The following PRR16 variants were observed in gnomAD, a reference collection of about 807,000 sequenced individuals.
PRR16 encodes proline rich 16.
A neutral mutation model predicts 18.2 loss-of-function variants in PRR16; 6 were observed. That is an observed-to-expected ratio of 0.33 (90% CI 0.18 to 0.65). The LOEUF (loss-of-function observed/expected upper bound fraction) is 0.65. Ranked by LOEUF, PRR16 falls within the 30% of genes least tolerant of loss-of-function variation. The probability of loss-of-function intolerance (pLI) is 0.74; values close to 1 mark genes in which losing one functional copy is unlikely to be tolerated. For synonymous variants in PRR16, 151 were observed against 147.8 expected, an observed-to-expected ratio of 1.02 and a Z score of -0.16; for missense variants, 412 against 376.6, an observed-to-expected ratio of 1.09 and a Z score of -0.78.
At chr5:120,682,771 C>T (rs1175558820) in intron 1 of PRR16, among the ~76,000 whole-genome samples, 1 of 152,164 alleles carries the variant, frequency 6.6e-6, no homozygotes, top group African/African-American at 2.4e-5. Context: ...TTCTTTCCTT[C>T]CCATTTTCTT....
chr5:120,522,549 G>T (rs1262063412), intron 1 of PRR16, among the ~76,000 whole-genome samples: 1 of 152,148 alleles, frequency 6.6e-6, no homozygotes, highest in Non-Finnish European at 1.5e-5. Context: ...ATTTGTTAAA[G>T]TTCTTTGTAG....
intron 1 of PRR16, among the ~76,000 whole-genome samples, chr5:120,685,442 G>A (rs913578668): frequency 1.1e-4 from 16 of 152,072 alleles, no homozygotes; most frequent in Non-Finnish European, 1.9e-4. Flanking sequence ...AACAGTTGAT[G>A]TTTTCTGTAT....
rs79241974 is a variant in PRR16, at chr5:120,479,226, C to T, written c.159+14581C>T. On this transcript the variant is annotated intron_variant, in intron 1 of 1. Transcript: ENST00000407149. ...ACTTTCAGTATATTGTCTAAGAACACATGCTCTCTTTCATTGCTTGTGGGG... is the reference window on the plus strand; with the variant it reads ...ACTTTCAGTATATTGTCTAAGAACATATGCTCTCTTTCATTGCTTGTGGGG... Among the ~76,000 whole-genome samples the T allele has an allele frequency of 3.9e-3, 591 of 152,254 alleles. 5 individuals are homozygous for T. Among genetic ancestry groups the T allele is most frequent in the African/African-American group, 0.013 (559 of 41,562 alleles).
intron 1 of PRR16, among the ~76,000 whole-genome samples, chr5:120,630,885 G>A (rs955760278): frequency 2.0e-5 from 3 of 152,186 alleles, no homozygotes; most frequent in African/African-American, 7.2e-5. Context: ...ATCTAGATAC[G>A]CATTTTGAGA....
chr5:120,754,591 T>C, the PRR16 span, among the ~76,000 whole-genome samples: 1 of 107,858 alleles, frequency 9.3e-6, no homozygotes, highest in Non-Finnish European at 1.7e-5. Context: ...ATATATTATA[T>C]ATAATATATA....
intron 1 of PRR16, among the ~76,000 whole-genome samples, chr5:120,663,794 T>C (rs1580849887): frequency 6.6e-6 from 1 of 152,164 alleles, no homozygotes; most frequent in Admixed American, 6.5e-5. Flanking sequence ...TCTCAACCTC[T>C]TGGCACACTT....
At chr5:120,663,152 G>A (rs1318384930) in intron 1 of PRR16, among the ~76,000 whole-genome samples, 1 of 152,174 alleles carries the variant, frequency 6.6e-6, no homozygotes, top group African/African-American at 2.4e-5. Flanking sequence ...ACTGGTACCA[G>A]TGTGAGGCTT....
chr5:120,786,083 C>A, the PRR16 span, among the ~76,000 whole-genome samples: 2 of 130,112 alleles, frequency 1.5e-5, no homozygotes. Flanking sequence ...TGGAAGAAAG[C>A]TTTTGTTTTT....
At chr5:120,775,165 C>T in the PRR16 span, among the ~76,000 whole-genome samples, 2 of 152,094 alleles carry the variant, frequency 1.3e-5, no homozygotes, top group Admixed American at 1.3e-4. Flanking sequence ...TTAGACTTTC[C>T]ACTTTAACCA....
chr5:120,726,760 C>G, the PRR16 span, among the ~76,000 whole-genome samples: 1 of 151,962 alleles, frequency 6.6e-6, no homozygotes, highest in Non-Finnish European at 1.5e-5. Context: ...CATGTCCACT[C>G]TTGATGGTGA....
intron 1 of PRR16, among the ~76,000 whole-genome samples, chr5:120,675,343 G>T (rs980006043): frequency 6.6e-6 from 1 of 152,144 alleles, no homozygotes; most frequent in Non-Finnish European, 1.5e-5. Flanking sequence ...TTTTTTTAAG[G>T]TTATTAGCTG....
the PRR16 span, among the ~76,000 whole-genome samples, chr5:120,715,943 T>C: frequency 6.6e-6 from 1 of 152,120 alleles, no homozygotes; most frequent in Non-Finnish European, 1.5e-5. Flanking sequence ...ATCTCTCTCC[T>C]TCATGGAATT....
the PRR16 span, among the ~76,000 whole-genome samples, chr5:120,697,101 T>C: frequency 2.6e-5 from 4 of 152,230 alleles, no homozygotes; most frequent in South Asian, 2.1e-4. Context: ...TTTGAAGATA[T>C]TCTCTACTTT....
the PRR16 span, among the ~76,000 whole-genome samples, chr5:120,791,195 T>G: frequency 6.6e-6 from 1 of 152,184 alleles, no homozygotes; most frequent in Non-Finnish European, 1.5e-5. Context: ...GATTTGGTTT[T>G]CATTACCAAG....
At chr5:120,676,623 T>G (rs1454182793) in intron 1 of PRR16, among the ~76,000 whole-genome samples, 1 of 151,956 alleles carries the variant, frequency 6.6e-6, no homozygotes, top group Non-Finnish European at 1.5e-5. Context: ...TTATGGTGCT[T>G]GAGATGTTTC....
intron 1 of PRR16, among the ~76,000 whole-genome samples, chr5:120,465,175 G>T (rs911973026): frequency 2.6e-5 from 4 of 152,128 alleles, no homozygotes; most frequent in Admixed American, 6.5e-5. Flanking sequence ...CTCGAGCCTC[G>T]CTGTAGGGAA....
chr5:120,650,875 T>C (rs1755759163), intron 1 of PRR16, among the ~76,000 whole-genome samples: 1 of 152,132 alleles, frequency 6.6e-6, no homozygotes, highest in African/African-American at 2.4e-5. Flanking sequence ...ATGGTATTTC[T>C]AGTTCTAGAT....
At chr5:120,540,699 T>G (rs1445695887) in intron 1 of PRR16, among the ~76,000 whole-genome samples, 2 of 152,150 alleles carry the variant, frequency 1.3e-5, no homozygotes, top group Admixed American at 6.6e-5. Context: ...TGGGAGTTAT[T>G]TATATCCTAC....
chr5:120,716,419 A>G, the PRR16 span, among the ~76,000 whole-genome samples: 1 of 152,226 alleles, frequency 6.6e-6, no homozygotes, highest in Non-Finnish European at 1.5e-5. Flanking sequence ...TTTGTGGAGC[A>G]TTAGCACTTT....
Sources: allele counts gnomAD v4.1 joint callset (sites outside exome capture counted in the v4.1 genomes callset), GRCh38; gene constraint gnomAD v4.1.1; transcripts MANE v1.5; gene names NCBI Gene and HGNC (gene_info 2026-07-23, HGNC 2026-07-21).